MAP7: variants seen among roughly 807,000 people sequenced by gnomAD.
MAP7 encodes the protein microtubule associated protein 7.
A neutral mutation model predicts 94.8 loss-of-function variants in MAP7; 52 were observed. The observed-to-expected ratio is 0.55, with a 90% CI of 0.44 to 0.69. The LOEUF (loss-of-function observed/expected upper bound fraction) is 0.69. MAP7 is among the 30% of genes least tolerant of loss of function. The pLI is 0.00. For synonymous variants in MAP7, 350 were observed against 357.0 expected (o/e 0.98, Z 0.22); for missense variants, 940 against 964.6 (o/e 0.97, Z 0.34).
At chr6:136,401,996 T>C (rs1784233427) in intron 3 of MAP7, among the ~76,000 whole-genome samples, 1 of 152,174 alleles carries the variant, frequency 6.6e-6, no homozygotes, top group African/African-American at 2.4e-5. Flanking sequence ...CTGAAGTCAT[T>C]GTCGTGCTTG....
At chr6:136,349,104 T>C (rs1646038961) in intron 16 of MAP7, among the ~76,000 whole-genome samples, 1 of 152,146 alleles carries the variant, frequency 6.6e-6, no homozygotes. Flanking sequence ...TTCATATGGA[T>C]CCGTATCCTT....
At chr6:136,392,599 C>T (rs971775347) in intron 3 of MAP7, among the ~76,000 whole-genome samples, 1 of 152,008 alleles carries the variant, frequency 6.6e-6, no homozygotes, top group African/African-American at 2.4e-5. Context: ...TGAGCAGTAA[C>T]AATGTGCTGT....
In MAP7 at chr6:136,396,179, C is replaced by T. The variant is rs115737073; in HGVS notation, c.245-6662G>A. ...GTCATTTTCACAATATTAATTGTTC[C>T]AATTCATGAACATGAGATGTCTTGC... On this transcript the variant is annotated intron_variant, in intron 3 of 17. Coordinates refer to ENST00000354570, the MANE Select transcript of MAP7 (RefSeq NM_003980.6). Among the ~76,000 whole-genome samples the T allele has an allele frequency of 5.7e-3, 864 of 152,110 alleles. 7 individuals are homozygous for T. Among genetic ancestry groups the T allele is most frequent in the African/African-American group, 0.02 (824 of 41,506 alleles).
chr6:136,400,802 A>G (rs1783851687), intron 3 of MAP7, among the ~76,000 whole-genome samples: 1 of 151,428 alleles, frequency 6.6e-6, no homozygotes, highest in South Asian at 2.1e-4. Flanking sequence ...TTGCCTCTAT[A>G]TTCACTTCTG....
intron 3 of MAP7, among the ~76,000 whole-genome samples, chr6:136,403,037 A>G (rs1240327867): frequency 6.6e-6 from 1 of 151,852 alleles, no homozygotes. Context: ...TAAACAGGGC[A>G]ATGGTTGTCC....
Position 136,454,792 on chromosome 6 carries a change from G to T in MAP7, c.68-32993C>A, listed in dbSNP as rs1802367867. On this transcript the variant is annotated intron_variant, in intron 1 of 17. Coordinates refer to ENST00000354570, the MANE Select transcript of MAP7 (RefSeq NM_003980.6). The stretch of plus-strand genomic sequence containing the variant: ...CCCTCACCTGTACTCACAGCTACTT[G>T]GGAGGCTGATATGGGAGGATGGCTT... Among the ~76,000 whole-genome samples, 3 of 152,152 alleles carry T rather than the reference G, an allele frequency of 2.0e-5. No individual in the cohort carries two copies. The South Asian group carries it at 6.2e-4, about 32-fold the overall frequency.
intron 3 of MAP7, among the ~76,000 whole-genome samples, chr6:136,408,182 A>C (rs1399884982): frequency 6.6e-6 from 1 of 152,192 alleles, no homozygotes; most frequent in African/African-American, 2.4e-5. Flanking sequence ...GAGGGGATAG[A>C]ATCAGATGGA....
chr6:136,409,740 T>C (rs1786827855), intron 3 of MAP7, among the ~76,000 whole-genome samples: 1 of 152,212 alleles, frequency 6.6e-6, no homozygotes, highest in Non-Finnish European at 1.5e-5. Context: ...CACTGTGACA[T>C]TAATAGTTGC....
chr6:136,466,937 A>G (rs2128928090), intron 1 of MAP7: 1 of 1,406,050 alleles, frequency 7.1e-7, no homozygotes, highest in South Asian at 1.7e-5. Context: ...GTAGCTCAAG[A>G]GGAGAGCAAA....
chr6:136,478,777 A>G (rs1347555156), intron 1 of MAP7, among the ~76,000 whole-genome samples: 3 of 152,062 alleles, frequency 2.0e-5, no homozygotes, highest in Non-Finnish European at 4.4e-5. Flanking sequence ...ACCAATAACA[A>G]GTAATGAGAT....
Position 136,550,363 on chromosome 6 carries a change from C to G in MAP7, c.46G>C (p.Gly16Arg). Residue 16 changes from glycine to arginine, a missense_variant, in exon 1 of 18, where the codon GGC (glycine) becomes CGC (arginine). Physicochemically the swap from Gly to Arg is moderately radical, Grantham distance 125. Transcript: ENST00000354570. This position sits in a 1 kb window ranked among gnomAD's most constrained non-coding sequence, Gnocchi z 5.1. The stretch of plus-strand genomic sequence containing the variant: ...TCACCTGTTTCGCTTCGCACTGCGC[C>G]GTCGCCGCCCCTGTGGCCGTCGCCG... ...AGGDGHRGGD[G>R]AVRSETAPDS... 2 of 1,529,808 alleles carry G rather than the reference C, an allele frequency of 1.3e-6. No individual in the cohort carries two copies. The highest frequency in any genetic ancestry group is 1.7e-6 in the Non-Finnish European group (2 of 1,146,750). 94.8% of individuals were successfully genotyped at this position (1,529,808 alleles called of 1,614,324 possible).
chr6:136,366,307 G>C lies in MAP7; in HGVS notation c.989+20C>G, dbSNP rs1486386443. The C allele has an allele frequency of 6.3e-7, 1 of 1,578,396 alleles. No homozygotes were observed. The highest frequency in any genetic ancestry group is 8.7e-7 in the Non-Finnish European group (1 of 1,147,492). ...TCTCTAACATGAAACAACCCAGCCA[G>C]CCACTTATATTTCACTTACCAAAGT... On this transcript the variant is annotated intron_variant, in intron 9 of 17. Transcript: ENST00000354570.
intron 1 of MAP7, among the ~76,000 whole-genome samples, chr6:136,517,319 A>C (rs1825152917): frequency 6.7e-6 from 1 of 149,528 alleles, no homozygotes; most frequent in African/African-American, 2.6e-5. Flanking sequence ...AGAAATTTTT[A>C]CTCACAAGTT....
chr6:136,406,422 C>T (rs1483070744), intron 3 of MAP7, among the ~76,000 whole-genome samples: 1 of 152,178 alleles, frequency 6.6e-6, no homozygotes, highest in African/African-American at 2.4e-5. Context: ...TTCTATCACC[C>T]ATAAACAAAG....
At chr6:136,477,407 A>G (rs1583023495) in intron 1 of MAP7, among the ~76,000 whole-genome samples, 1 of 152,224 alleles carries the variant, frequency 6.6e-6, no homozygotes, top group South Asian at 2.1e-4. Context: ...AGCACAATAC[A>G]TAATCTTGAT....
chr6:136,422,930 A>G (rs1791842416), intron 1 of MAP7, among the ~76,000 whole-genome samples: 1 of 152,196 alleles, frequency 6.6e-6, no homozygotes, highest in Non-Finnish European at 1.5e-5. Context: ...ACACAGACAG[A>G]CCTGGGTTCA....
At chr6:136,411,390 A>G (rs913596413) in intron 3 of MAP7, among the ~76,000 whole-genome samples, 1 of 152,312 alleles carries the variant, frequency 6.6e-6, no homozygotes, top group Non-Finnish European at 1.5e-5. Flanking sequence ...CTACTCATAT[A>G]TACTTTCCCT....
intron 2 of MAP7, chr6:136,420,460 C>T (rs1790943676): frequency 2.1e-6 from 1 of 469,130 alleles, no homozygotes; most frequent in Admixed American, 3.7e-5. Flanking sequence ...ATTTCTACTT[C>T]CATAGAGACA....
In MAP7 at chr6:136,485,563, T is replaced by TTG. The variant is rs1227773605; in HGVS notation, c.68-63765_68-63764insCA. 4.3e-5 allele frequency among the ~76,000 whole-genome samples: 6 copies of TTG among 140,572 alleles called. 2 individuals carry two copies. Among genetic ancestry groups the TTG allele is most frequent in the African/African-American group, 1.7e-4 (6 of 35,672 alleles). 92.2% of individuals were successfully genotyped at this position (140,572 alleles called of 152,430 possible). ...GATCAATTCCACTTCAGATTTTTTT[T>TTG]TTTTTTTTTTTTTTTTTGAGACGGA... On this transcript the variant is annotated intron_variant, in intron 1 of 17. Coordinates refer to ENST00000354570, the MANE Select transcript of MAP7 (RefSeq NM_003980.6).
Sources: allele counts gnomAD v4.1 joint callset (sites outside exome capture counted in the v4.1 genomes callset), GRCh38; gene constraint gnomAD v4.1.1; non-coding constraint Gnocchi (gnomAD v3.1); transcripts MANE v1.5; gene names NCBI Gene and HGNC (gene_info 2026-07-23, HGNC 2026-07-21).